Variants in EPHA6 observed in about 807,000 individuals in gnomAD.
EPHA6 encodes the protein ephrin type-A receptor 6.
In EPHA6, 50 loss-of-function variants were observed where a neutral mutation model predicts 112.0. The ratio of observed to expected loss-of-function variants is 0.45; its 90% CI spans 0.36 to 0.56. EPHA6 has a LOEUF of 0.56. Among genes scored for constraint, EPHA6 ranks in the 20% least tolerant of loss-of-function variants. EPHA6 has a pLI of 0.00. For synonymous variants in EPHA6, 529 were observed against 490.7 expected, an observed-to-expected ratio of 1.08 and a Z score of -1.03; for missense variants, 1,280 against 1,417.4, an observed-to-expected ratio of 0.90 and a Z score of 1.56.
At chr3:97,655,621 A>T (rs1425118503) in intron 14 of EPHA6, among the ~76,000 whole-genome samples, 1 of 151,820 alleles carries the variant, frequency 6.6e-6, no homozygotes, top group Non-Finnish European at 1.5e-5. Flanking sequence ...AGCATGATTT[A>T]TAGTCCTTTG....
rs75602401 is a variant in EPHA6 at position 97,105,250 on chromosome 3, C to A, written c.1114+117257C>A. Among the ~76,000 whole-genome samples, 757 of 151,994 alleles carry A rather than the reference C, an allele frequency of 5.0e-3. 6 individuals carry two copies. Among genetic ancestry groups the A allele is most frequent in the African/African-American group, 0.016 (671 of 41,486 alleles). On this transcript the variant is annotated intron_variant, in intron 3 of 17. Transcript: ENST00000389672. ...TGGTTAATTTGAGTTCTTTCTAACT[C>A]TTTGATGTGGGCATTTATTGCTATA...
chr3:97,695,146 T>C (rs930404852), intron 14 of EPHA6, among the ~76,000 whole-genome samples: 1 of 152,236 alleles, frequency 6.6e-6, no homozygotes, highest in African/African-American at 2.4e-5. Flanking sequence ...AATGATTTAG[T>C]GAGATACATC....
At chr3:97,457,995 G>A (rs1252470666) in intron 7 of EPHA6, among the ~76,000 whole-genome samples, 1 of 147,874 alleles carries the variant, frequency 6.8e-6, no homozygotes, top group East Asian at 2.0e-4. Context: ...GTGAACCCGG[G>A]AGGCGGAGCT....
chr3:96,925,308 T>C (rs891048073), intron 2 of EPHA6, among the ~76,000 whole-genome samples: 2 of 152,174 alleles, frequency 1.3e-5, no homozygotes, highest in African/African-American at 2.4e-5. Flanking sequence ...CATTTATTAC[T>C]CTCTCAATTT....
Position 97,163,374 on chromosome 3 carries a change from T to G in EPHA6, c.1115-62890T>G, listed in dbSNP as rs192388836. On this transcript the variant is annotated intron_variant, in intron 3 of 17. Coordinates refer to ENST00000389672, the MANE Select transcript of EPHA6 (RefSeq NM_001080448.3). ...TTTCCAGCTCCCCAAACGACAAAAT[T>G]TATTGCAAAATCTCTGCTTATTGAG... Among the ~76,000 whole-genome samples, 703 of 152,206 alleles carry G rather than the reference T, an allele frequency of 4.6e-3. 6 individuals carry two copies. Among genetic ancestry groups the G allele is most frequent in the African/African-American group, 0.015 (628 of 41,542 alleles).
rs1261880149 is a variant in EPHA6 at position 96,886,644 on chromosome 3, C to T, written c.450+19755C>T. Among the ~76,000 whole-genome samples, 4 of 152,126 alleles carry T rather than the reference C, an allele frequency of 2.6e-5. No homozygotes were observed. The East Asian group carries it at 5.8e-4, about 22-fold the overall frequency. ...TCTTATCCATTCTGTGGTTCTGTAT[C>T]TTATAAATGGAGCATTTAGGCCATT... is the stretch of plus-strand genomic sequence containing the variant. On this transcript the variant is annotated intron_variant, in intron 2 of 17. Transcript: ENST00000389672.
At chr3:97,380,405 A>G (rs965919339) in intron 5 of EPHA6, among the ~76,000 whole-genome samples, 2 of 152,162 alleles carry the variant, frequency 1.3e-5, no homozygotes, top group African/African-American at 2.4e-5. Flanking sequence ...GAGTATACAT[A>G]TATGTACCTA....
intron 3 of EPHA6, among the ~76,000 whole-genome samples, chr3:97,077,032 C>T (rs1217787237): frequency 6.6e-6 from 1 of 152,126 alleles, no homozygotes; most frequent in Non-Finnish European, 1.5e-5. Flanking sequence ...CTAAATACAA[C>T]ATCTGTGCTA....
At chr3:97,330,058 C>T (rs2082704131) in intron 5 of EPHA6, among the ~76,000 whole-genome samples, 1 of 152,066 alleles carries the variant, frequency 6.6e-6, no homozygotes, top group African/African-American at 2.4e-5. Context: ...TTCCCAGCAC[C>T]ATTTATTAAA....
intron 3 of EPHA6, among the ~76,000 whole-genome samples, chr3:97,091,592 G>GA (rs2047068121): frequency 6.6e-6 from 1 of 152,044 alleles, no homozygotes; most frequent in Non-Finnish European, 1.5e-5. Context: ...TTGTGACCCT[G>GA]AAAAATACAC....
chr3:97,327,538 A>G (rs1360122115), intron 5 of EPHA6, among the ~76,000 whole-genome samples: 3 of 151,508 alleles, frequency 2.0e-5, no homozygotes, highest in Non-Finnish European at 1.5e-5. Context: ...TGTATCACCT[A>G]TGTATGTTTG....
chr3:97,115,695 T>A (rs2047866043), intron 3 of EPHA6, among the ~76,000 whole-genome samples: 1 of 151,738 alleles, frequency 6.6e-6, no homozygotes, highest in Non-Finnish European at 1.5e-5. Flanking sequence ...TTATATTTTA[T>A]GTTTTGTGGA....
chr3:97,092,382 A>G (rs1456530040), intron 3 of EPHA6, among the ~76,000 whole-genome samples: 2 of 152,060 alleles, frequency 1.3e-5, no homozygotes, highest in South Asian at 2.1e-4. Context: ...TAGTCCTGTC[A>G]GTGTATGGAT....
chr3:96,983,475 T>C (rs1044241862), intron 2 of EPHA6, among the ~76,000 whole-genome samples: 27 of 152,212 alleles, frequency 1.8e-4, no homozygotes, highest in African/African-American at 6.5e-4. Context: ...TCTCTCTGGC[T>C]GCCCTTAACA....
chr3:96,859,969 A>G (rs1428117986), intron 1 of EPHA6, among the ~76,000 whole-genome samples: 2 of 152,174 alleles, frequency 1.3e-5, no homozygotes, highest in African/African-American at 2.4e-5. Context: ...AAACTATGGC[A>G]TGTGAGTTGA....
At chr3:97,374,390 C>T (rs373517840) in intron 5 of EPHA6, among the ~76,000 whole-genome samples, 19 of 152,170 alleles carry the variant, frequency 1.2e-4, no homozygotes, top group South Asian at 6.2e-4. Flanking sequence ...CCCTAGGCCC[C>T]GGTGGACTAC....
intron 4 of EPHA6, among the ~76,000 whole-genome samples, chr3:97,241,752 CTTGTTTTTTTTTTTTT>C (rs1488551081): frequency 3.2e-5 from 4 of 124,256 alleles, no homozygotes; most frequent in Non-Finnish European, 5.0e-5. Context: ...TGTCAGCCTT[CTTGTTTTTTTTTTTTT>C]TTGTTTTTTT....
intron 3 of EPHA6, among the ~76,000 whole-genome samples, chr3:96,990,279 C>T (rs1012411192): frequency 1.3e-5 from 2 of 151,984 alleles, no homozygotes; most frequent in African/African-American, 4.8e-5. Flanking sequence ...CTGCAAATTT[C>T]TTCTATGATT....
chr3:97,105,894 A>G (rs1380586270), intron 3 of EPHA6, among the ~76,000 whole-genome samples: 1 of 152,074 alleles, frequency 6.6e-6, no homozygotes, highest in African/African-American at 2.4e-5. Flanking sequence ...ACCTTTTACC[A>G]TTATGTGATG....
Sources: allele counts gnomAD v4.1 joint callset (sites outside exome capture counted in the v4.1 genomes callset), GRCh38; gene constraint gnomAD v4.1.1; transcripts MANE v1.5; gene names NCBI Gene and HGNC (gene_info 2026-07-23, HGNC 2026-07-21).